The following KNTC1 variants were observed in gnomAD, a reference collection of about 807,000 sequenced individuals.
The protein encoded by KNTC1 is kinetochore-associated protein 1.
KNTC1 carries 253 observed loss-of-function variants against 314.4 expected under a neutral mutation model. That is an observed-to-expected ratio of 0.80 (90% confidence interval 0.73 to 0.89). The LOEUF (loss-of-function observed/expected upper bound fraction) is 0.89. KNTC1 is among the 40% of genes least tolerant of loss of function. The pLI, the probability that KNTC1 is intolerant of heterozygous loss-of-function variation, is 0.00. For synonymous variants in KNTC1, 901 were observed against 901.4 expected (o/e 1.00, Z 0.01); for missense variants, 2,475 against 2,572.9 (o/e 0.96, Z 0.82).
chr12:122,584,993 A>G lies in KNTC1; in HGVS notation c.3534+3A>G. ...ATGACTGTGGAATCCTCATGAAAGT[A>G]AGTTACTTTTGAGTTTTTTCCCTTA... On this transcript the variant is annotated splice_donor_region_variant and intron_variant, in intron 36 of 63. Coordinates refer to ENST00000333479, the MANE Select transcript of KNTC1 (RefSeq NM_014708.6). 1 of 1,563,188 alleles carries G rather than the reference A, an allele frequency of 6.4e-7. No individual in the cohort carries two copies. The highest frequency in any genetic ancestry group is 1.1e-5 in the South Asian group (1 of 88,904).
At position 122,577,837 on chromosome 12, in the gene KNTC1, G is replaced by T. The variant is rs538550958; in HGVS notation, c.2841+46G>T. 9 of 1,533,752 alleles carry T rather than the reference G, an allele frequency of 5.9e-6. No individual in the cohort carries two copies. The South Asian group carries it at 1.1e-4, about 18-fold the overall frequency. Reference sequence around the variant, plus strand: ...AATATAAGTAAATCCAATTTTTATGGCTATTAATCAATAGGATAGAAAAGA... The same window carrying T: ...AATATAAGTAAATCCAATTTTTATGTCTATTAATCAATAGGATAGAAAAGA... On this transcript the variant is annotated intron_variant, in intron 31 of 63. Coordinates refer to ENST00000333479, the MANE Select transcript of KNTC1 (RefSeq NM_014708.6).
chr12:122,606,872 A>C (rs1872640256), intron 51 of KNTC1, among the ~76,000 whole-genome samples: 1 of 152,156 alleles, frequency 6.6e-6, no homozygotes, highest in South Asian at 2.1e-4. Flanking sequence ...ATTTCCCAAG[A>C]ACAGGATTTT....
At chr12:122,550,521 G>T (rs1199539336) in intron 13 of KNTC1, among the ~76,000 whole-genome samples, 2 of 151,666 alleles carry the variant, frequency 1.3e-5, no homozygotes, top group African/African-American at 2.4e-5. Context: ...TGTTGTTGTC[G>T]AGACAGGGTC....
chr12:122,601,818 C>T lies in KNTC1; in HGVS notation c.4653+193C>T, dbSNP rs911057567. On this transcript the variant is annotated intron_variant, in intron 45 of 63. Transcript: ENST00000333479. ...GATTTTCATGACATTCCTATTTTAT[C>T]ACTTATCTTCATCCTTTTTTTGCTG... is the stretch of plus-strand genomic sequence containing the variant. 1.7e-5 allele frequency: 9 copies of T among 519,528 alleles called. No homozygotes were observed. The African/African-American group carries it at 1.8e-4, about 10-fold the overall frequency. 32.2% of individuals were successfully genotyped at this position (519,528 alleles called of 1,614,324 possible). A position where few individuals can be genotyped will look rare whatever the true frequency, so the allele number is the denominator to read the frequency against.
rs1041425678 is a variant in KNTC1, at chr12:122,530,201, T to G, written c.129+9T>G. The G allele has an allele frequency of 3.7e-6, 6 of 1,610,984 alleles. No individual in the cohort carries two copies. Among genetic ancestry groups the G allele is most frequent in the Non-Finnish European group, 5.1e-6 (6 of 1,178,240 alleles). ...AGATCTCTTCTGAAAAGGTAGTGAT[T>G]ATTACACTGACTGTTTCATTCACAG... On this transcript the variant is annotated intron_variant, in intron 2 of 63. Transcript: ENST00000333479.
At position 122,557,375 on chromosome 12, in the gene KNTC1, A is replaced by G. The variant is rs774352076; in HGVS notation, c.1273-9A>G. ...TCAAATTGCTTGATGTGGCGTGTTT[A>G]TATTACAGCTTGTTTACAAGGTCAA... On this transcript the variant is annotated splice_polypyrimidine_tract_variant and intron_variant, in intron 16 of 63. Transcript: ENST00000333479. 5 of 1,610,036 alleles carry G rather than the reference A, an allele frequency of 3.1e-6. No individual in the cohort carries two copies. Among genetic ancestry groups the G allele is most frequent in the Admixed American group, 3.4e-5 (2 of 59,332 alleles).
At chr12:122,579,090 A>G (rs1255394041) in intron 31 of KNTC1, among the ~76,000 whole-genome samples, 43 of 89,748 alleles carry the variant, frequency 4.8e-4, no homozygotes, top group Non-Finnish European at 7.1e-4. Flanking sequence ...TTTGAGACGG[A>G]GTCTCGCTCT....
At chr12:122,565,128 T>C (rs1213205373) in intron 20 of KNTC1, among the ~76,000 whole-genome samples, 3 of 152,122 alleles carry the variant, frequency 2.0e-5, no homozygotes, top group African/African-American at 7.2e-5. Context: ...TTTTAAATAT[T>C]ACCACATGGA....
At chr12:122,613,790 A>G (rs372459005) in intron 55 of KNTC1, 29 bp downstream of exon 55, 4 of 1,558,124 alleles carry the variant, frequency 2.6e-6, no homozygotes, top group African/African-American at 1.4e-5. Context: ...CCCATTCCCA[A>G]TTCCCTGCCC....
intron 18 of KNTC1, among the ~76,000 whole-genome samples, chr12:122,558,867 AT>A (rs1963783090): frequency 6.6e-6 from 1 of 152,086 alleles, no homozygotes; most frequent in South Asian, 2.1e-4. Flanking sequence ...TGAGACTCTT[AT>A]CAAAAAACAA....
chr12:122,611,667 T>C (rs1566015825), intron 53 of KNTC1: 1 of 152,220 alleles, frequency 6.6e-6, no homozygotes, highest in African/African-American at 2.4e-5. Context: ...TAGTATGATA[T>C]ACAGTAATCT....
intron 39 of KNTC1, among the ~76,000 whole-genome samples, chr12:122,588,201 T>C (rs1869645520): frequency 1.3e-5 from 2 of 152,202 alleles, no homozygotes; most frequent in African/African-American, 4.8e-5. Context: ...CTTAGTGCAG[T>C]GTCCACTATA....
At chr12:122,590,582 T>C (rs1226059116) in intron 40 of KNTC1, 25 bp from the exon 41 acceptor site, 11 of 1,584,030 alleles carry the variant, frequency 6.9e-6, no homozygotes, top group East Asian at 2.3e-5. Flanking sequence ...AAGAATTTGC[T>C]TCTTTTGCTG....
At chr12:122,556,215 G>C (rs1963581068) in intron 16 of KNTC1, among the ~76,000 whole-genome samples, 1 of 150,976 alleles carries the variant, frequency 6.6e-6, no homozygotes, top group South Asian at 2.1e-4. Context: ...ACGGGGTTTT[G>C]CCATGTTGCT....
chr12:122,583,397 A>C (rs1253420252), intron 34 of KNTC1, among the ~76,000 whole-genome samples: 1 of 152,204 alleles, frequency 6.6e-6, no homozygotes, highest in Non-Finnish European at 1.5e-5. Flanking sequence ...TCACCTTCAG[A>C]GCATATTTTG....
In KNTC1 at chr12:122,533,308, A is replaced by T. The variant is rs969912092; in HGVS notation, c.130-1356A>T. The stretch of plus-strand genomic sequence containing the variant: ...CAGCCTCCCCAGTAGCTGGGATTAC[A>T]TGCGTCCGCCACCACGCCCGGCTAA... On this transcript the variant is annotated intron_variant, in intron 2 of 63. Transcript: ENST00000333479. Among the ~76,000 whole-genome samples, 5 of 151,964 alleles carry T rather than the reference A, an allele frequency of 3.3e-5. 1 individual carries two copies. The highest frequency in any genetic ancestry group is 1.2e-4 in the African/African-American group (5 of 41,366).
At chr12:122,565,247 T>TG (rs1964247682) in intron 20 of KNTC1, among the ~76,000 whole-genome samples, 1 of 132,802 alleles carries the variant, frequency 7.5e-6, no homozygotes, top group African/African-American at 2.6e-5. Context: ...GTTGTTTTTT[T>TG]TTTTTAAAAA....
intron 49 of KNTC1, 108 bp downstream of exon 49, chr12:122,604,745 C>A: frequency 1.6e-6 from 2 of 1,220,456 alleles, no homozygotes; most frequent in Non-Finnish European, 2.4e-6. Flanking sequence ...GAAGGAAGAC[C>A]AAGGCTTTAT....
At chr12:122,543,219 A>G (rs1190110059) in intron 6 of KNTC1, among the ~76,000 whole-genome samples, 1 of 152,182 alleles carries the variant, frequency 6.6e-6, no homozygotes, top group African/African-American at 2.4e-5. Flanking sequence ...GGCCTAAGTG[A>G]TATTTTTAAA....
Sources: gnomAD v4.1 joint callset for allele counts (sites outside exome capture counted in the v4.1 genomes callset) on GRCh38, gnomAD v4.1.1 for gene constraint, MANE v1.5 for transcripts, NCBI Gene and HGNC (gene_info 2026-07-23, HGNC 2026-07-21) for gene names.